The following PDE4D variants were observed in gnomAD, a reference collection of about 807,000 sequenced individuals.
The protein encoded by PDE4D is phosphodiesterase 4D, also known as 3',5'-cyclic-AMP phosphodiesterase 4D.
PDE4D carries 24 observed loss-of-function variants against 87.4 expected under a neutral mutation model. The ratio of observed to expected loss-of-function variants is 0.27; its 90% CI spans 0.20 to 0.39. The LOEUF (loss-of-function observed/expected upper bound fraction) is 0.39. PDE4D is among the 10% of genes least tolerant of loss of function. The pLI, the probability that PDE4D is intolerant of heterozygous loss-of-function variation, is 1.00. For missense variants in PDE4D, 714 were observed against 1,041.0 expected, an observed-to-expected ratio of 0.69 and a Z score of 4.32; for synonymous variants, 384 against 383.2, an observed-to-expected ratio of 1.00 and a Z score of -0.02.
chr5:60,387,434 T>G (rs1228648679), intron 1 of PDE4D, among the ~76,000 whole-genome samples: 1 of 152,234 alleles, frequency 6.6e-6, no homozygotes, highest in African/African-American at 2.4e-5. Context: ...TGTGTTCTGT[T>G]TTGGTGTAAA....
chr5:59,854,437 T>C (rs537397222), intron 1 of PDE4D, among the ~76,000 whole-genome samples: 128 of 152,206 alleles, frequency 8.4e-4, no homozygotes, highest in African/African-American at 2.8e-3. Flanking sequence ...TTTTTAATTA[T>C]CTTCATTCCT....
At chr5:59,805,198 T>TTCAG (rs1353964489) in intron 1 of PDE4D, among the ~76,000 whole-genome samples, 1 of 152,214 alleles carries the variant, frequency 6.6e-6, no homozygotes, top group Non-Finnish European at 1.5e-5. Flanking sequence ...ACAGATTGAT[T>TTCAG]TCAGTCACAT....
intron 1 of PDE4D, among the ~76,000 whole-genome samples, chr5:59,849,933 C>A (rs1483402122): frequency 6.6e-6 from 1 of 151,866 alleles, no homozygotes; most frequent in Admixed American, 6.6e-5. Flanking sequence ...TACATATGGG[C>A]AGTTGATATA....
intron 1 of PDE4D, among the ~76,000 whole-genome samples, chr5:60,408,192 G>A (rs1467013303): frequency 6.6e-6 from 1 of 152,104 alleles, no homozygotes; most frequent in Non-Finnish European, 1.5e-5. Context: ...ACCTATTCCC[G>A]CTGTGCCTTC....
intron 11 of PDE4D, among the ~76,000 whole-genome samples, chr5:58,984,780 T>C (rs1746023610): frequency 6.6e-6 from 1 of 152,246 alleles, no homozygotes; most frequent in Admixed American, 6.5e-5. Flanking sequence ...AATAATTCAT[T>C]TGCCAAGTAA....
chr5:60,360,314 A>C (rs1412678572), intron 1 of PDE4D, among the ~76,000 whole-genome samples: 1 of 152,234 alleles, frequency 6.6e-6, no homozygotes, highest in African/African-American at 2.4e-5. Flanking sequence ...TTGCAGAAGG[A>C]AGCATTACCC....
At chr5:60,149,554 C>T (rs1781308089) in intron 2 of PDE4D, among the ~76,000 whole-genome samples, 1 of 152,112 alleles carries the variant, frequency 6.6e-6, no homozygotes, top group Non-Finnish European at 1.5e-5. Context: ...AGCCTACTAG[C>T]TACTTTTACT....
At chr5:59,572,023 AT>A (rs1177487546) in intron 1 of PDE4D, among the ~76,000 whole-genome samples, 14 of 152,142 alleles carry the variant, frequency 9.2e-5, no homozygotes, top group African/African-American at 3.4e-4. Flanking sequence ...TATGAATTGA[AT>A]TTGTGCTTGA....
At chr5:59,408,367 C>T (rs1180247416) in intron 1 of PDE4D, among the ~76,000 whole-genome samples, 1 of 152,108 alleles carries the variant, frequency 6.6e-6, no homozygotes, top group African/African-American at 2.4e-5. Flanking sequence ...AAGAGTGATC[C>T]TAGTCTCTGC....
intron 1 of PDE4D, among the ~76,000 whole-genome samples, chr5:60,240,614 C>T (rs1019923657): frequency 1.5e-4 from 23 of 152,088 alleles, no homozygotes; most frequent in African/African-American, 4.6e-4. Context: ...TCTGACCCAA[C>T]GCAGTCTCAG....
chr5:59,830,492 C>T (rs780605034), intron 1 of PDE4D, among the ~76,000 whole-genome samples: 4 of 152,044 alleles, frequency 2.6e-5, no homozygotes, highest in Non-Finnish European at 5.9e-5. Flanking sequence ...AAGAAAGCAA[C>T]GTCTGCCATT....
At chr5:59,118,073 G>A (rs1195342021) in intron 5 of PDE4D, among the ~76,000 whole-genome samples, 1 of 152,072 alleles carries the variant, frequency 6.6e-6, no homozygotes, top group Non-Finnish European at 1.5e-5. Flanking sequence ...TAGCTATTTT[G>A]TATTCTTCAT....
At chr5:60,479,224 A>G (rs1361170757) in intron 1 of PDE4D, among the ~76,000 whole-genome samples, 1 of 152,218 alleles carries the variant, frequency 6.6e-6, no homozygotes, top group Non-Finnish European at 1.5e-5. Context: ...AATTGCATGA[A>G]AAAAGGAGCT....
chr5:59,269,060 A>G (rs1426648869), intron 1 of PDE4D, among the ~76,000 whole-genome samples: 2 of 152,100 alleles, frequency 1.3e-5, no homozygotes, highest in East Asian at 3.9e-4. Context: ...GCAAGTTTTA[A>G]TGATAAGGCC....
intron 1 of PDE4D, among the ~76,000 whole-genome samples, chr5:59,611,644 T>C (rs1247881685): frequency 6.6e-6 from 1 of 152,186 alleles, no homozygotes; most frequent in Non-Finnish European, 1.5e-5. Context: ...AAATGTTCCA[T>C]AAATATTAAT....
intron 1 of PDE4D, among the ~76,000 whole-genome samples, chr5:59,587,996 T>TA (rs1199187289): frequency 1.5e-4 from 23 of 150,752 alleles, no homozygotes; most frequent in African/African-American, 2.0e-4. Flanking sequence ...TTTCACTCCT[T>TA]AAAAAAAAAG....
intron 1 of PDE4D, among the ~76,000 whole-genome samples, chr5:59,716,831 G>C (rs1755100520): frequency 6.6e-6 from 1 of 152,132 alleles, no homozygotes; most frequent in African/African-American, 2.4e-5. Flanking sequence ...CAACAAAGTA[G>C]TGTGTAATCA....
intron 1 of PDE4D, chr5:59,356,940 A>G: frequency 7.2e-7 from 1 of 1,393,832 alleles, no homozygotes; most frequent in Non-Finnish European, 9.2e-7. Context: ...AGCAGGAGGC[A>G]CTTGTAGCTG....
chr5:59,164,442 C>T (rs1394363034), intron 5 of PDE4D, among the ~76,000 whole-genome samples: 6 of 152,134 alleles, frequency 3.9e-5, no homozygotes, highest in East Asian at 1.9e-4. Context: ...TGCTAGGTTT[C>T]GTGCTTAATT....
Sources: allele counts gnomAD v4.1 joint callset (sites outside exome capture counted in the v4.1 genomes callset), GRCh38; gene constraint gnomAD v4.1.1; transcripts MANE v1.5; gene names NCBI Gene and HGNC (gene_info 2026-07-23, HGNC 2026-07-21).